Variants in ATG2B observed in about 807,000 individuals in gnomAD.
ATG2B encodes autophagy related 2B.
Under a neutral mutation model 241.3 loss-of-function variants are expected in ATG2B, and 121 were observed. That is an observed-to-expected ratio of 0.50 (90% CI 0.43 to 0.58). The LOEUF is 0.58. Ranked by LOEUF, ATG2B falls within the 20% of genes least tolerant of loss-of-function variation. The probability of loss-of-function intolerance (pLI) is 0.00; values close to 1 mark genes in which losing one functional copy is unlikely to be tolerated. For synonymous variants in ATG2B, 858 were observed against 876.6 expected (o/e 0.98, Z 0.37); for missense variants, 2,306 against 2,491.6 (o/e 0.93, Z 1.59).
intron 34 of ATG2B, among the ~76,000 whole-genome samples, chr14:96,301,338 C>A (rs1005100001): frequency 1.3e-5 from 2 of 152,022 alleles, no homozygotes; most frequent in African/African-American, 4.8e-5. Flanking sequence ...AAGACTGGAA[C>A]CCAGGTCTGA....
chr14:96,312,011 G>T, intron 26 of ATG2B, 78 bp downstream of exon 26: 5 of 1,048,784 alleles, frequency 4.8e-6, no homozygotes, highest in Non-Finnish European at 7.3e-6. Context: ...CATTATCCCA[G>T]AGTTAAAATG....
chr14:96,324,281 A>G (rs1887533813), intron 15 of ATG2B: 1 of 295,490 alleles, frequency 3.4e-6, no homozygotes, highest in South Asian at 5.9e-5. Flanking sequence ...ACTAAGTGCT[A>G]TTAGTGATTA....
At chr14:96,307,785 T>C (rs2139853234) in intron 29 of ATG2B, among the ~76,000 whole-genome samples, 1 of 152,250 alleles carries the variant, frequency 6.6e-6, no homozygotes, top group Non-Finnish European at 1.5e-5. Context: ...GGGCCTGGGA[T>C]ACCCAAACTG....
At chr14:96,315,306 A>T (rs1372713050) in intron 22 of ATG2B, 72 bp from the exon 23 acceptor site, 10 of 1,585,346 alleles carry the variant, frequency 6.3e-6, no homozygotes, top group South Asian at 1.1e-5. Flanking sequence ...TTTCCAAGAA[A>T]ATAAATATGT....
chr14:96,296,070 C>T (rs1022465839), intron 34 of ATG2B, among the ~76,000 whole-genome samples: 4 of 152,200 alleles, frequency 2.6e-5, no homozygotes, highest in Non-Finnish European at 5.9e-5. Flanking sequence ...TCTCCTGCCT[C>T]AGCCTCCCAA....
At chr14:96,308,253 CACACATATAT>C (rs1887033982) in intron 29 of ATG2B, among the ~76,000 whole-genome samples, 7 of 36,404 alleles carry the variant, frequency 1.9e-4, no homozygotes, top group Non-Finnish European at 3.0e-4. Context: ...TATATATATA[CACACATATAT>C]ATATATATAT....
intron 29 of ATG2B, among the ~76,000 whole-genome samples, chr14:96,308,459 G>C (rs1458635496): frequency 8.1e-6 from 1 of 122,828 alleles, no homozygotes; most frequent in African/African-American, 3.0e-5. Flanking sequence ...CCCACATCTA[G>C]CTTTTTTTTT....
At chr14:96,352,826 G>A (rs1888366641) in intron 1 of ATG2B, among the ~76,000 whole-genome samples, 1 of 151,514 alleles carries the variant, frequency 6.6e-6, no homozygotes, top group Admixed American at 6.6e-5. Flanking sequence ...ATATAGTCTA[G>A]CCGAAGTGTA....
intron 31 of ATG2B, among the ~76,000 whole-genome samples, chr14:96,304,859 A>G (rs1375413618): frequency 6.6e-6 from 1 of 152,144 alleles, no homozygotes; most frequent in African/African-American, 2.4e-5. Context: ...GCTAATTATG[A>G]TGCTGGGATC....
Position 96,333,765 on chromosome 14 carries a change from T to C in ATG2B, c.1130A>G (p.Lys377Arg). The change falls in exon 8 of 42, where the codon AAA becomes AGA. Residue 377 changes from lysine to arginine, a missense_variant. This residue lies in a region of ATG2B where 1,927 missense variants were observed against 2,011.2 expected (regional missense o/e 0.96). Coordinates refer to ENST00000359933, the MANE Select transcript of ATG2B (RefSeq NM_018036.7). ...QMELNRYYLR[K>R]DSLSVGVSSE... Reference sequence around the variant, plus strand: ...AGATACACCCACAGAGAGGGAATCTTTTCTCAAATAATACCGGTTTAATTC... The same window carrying C: ...AGATACACCCACAGAGAGGGAATCTCTTCTCAAATAATACCGGTTTAATTC... 6.2e-7 allele frequency: 1 copy of C among 1,614,002 alleles called. No individual in the cohort carries two copies. The highest frequency in any genetic ancestry group is 1.1e-5 in the South Asian group (1 of 91,076).
intron 11 of ATG2B, 88 bp from the exon 12 acceptor site, chr14:96,329,722 T>C: frequency 1.3e-6 from 1 of 783,876 alleles, no homozygotes; most frequent in Non-Finnish European, 2.0e-6. Flanking sequence ...TTATCAATAA[T>C]TAATACTCCT....
At chr14:96,341,251 T>C (rs550160536) in intron 6 of ATG2B, among the ~76,000 whole-genome samples, 16 of 152,324 alleles carry the variant, frequency 1.1e-4, no homozygotes, top group African/African-American at 3.8e-4. Flanking sequence ...GAGAGGTTTG[T>C]CAGTTTCGAA....
Position 96,290,160 on chromosome 14 carries a change from T to C in ATG2B, c.5856+276A>G. 1 of 1,261,698 alleles carries C rather than the reference T, an allele frequency of 7.9e-7. No homozygotes were observed. 78.2% of individuals were successfully genotyped at this position (1,261,698 alleles called of 1,614,324 possible). The stretch of plus-strand genomic sequence containing the variant: ...CTTCTTCAAATTTAGCTACGATCCT[T>C]TCATACAAATATGGTGAAATCAATC... On this transcript the variant is annotated intron_variant, in intron 40 of 41. Coordinates refer to ENST00000359933, the MANE Select transcript of ATG2B (RefSeq NM_018036.7). This position sits in a 1 kb window ranked among gnomAD's most constrained non-coding sequence, Gnocchi z 4.4.
chr14:96,360,011 T>C (rs1345101149), intron 1 of ATG2B, among the ~76,000 whole-genome samples: 1 of 152,230 alleles, frequency 6.6e-6, no homozygotes, highest in East Asian at 1.9e-4. Context: ...TGCCCTCAGT[T>C]GGATGTTCCT....
At chr14:96,355,252 G>A (rs1357561599) in intron 1 of ATG2B, among the ~76,000 whole-genome samples, 1 of 151,968 alleles carries the variant, frequency 6.6e-6, no homozygotes, top group African/African-American at 2.4e-5. Flanking sequence ...TTTCTTTTAG[G>A]GTTTTTATAG....
chr14:96,338,396 C>G (rs1887921934), intron 6 of ATG2B, among the ~76,000 whole-genome samples: 2 of 152,194 alleles, frequency 1.3e-5, no homozygotes, highest in Middle Eastern at 6.8e-3. Flanking sequence ...AACTTTTCCC[C>G]ATTCAGTATG....
intron 6 of ATG2B, among the ~76,000 whole-genome samples, chr14:96,339,893 A>G (rs1360081234): frequency 6.6e-6 from 1 of 151,650 alleles, no homozygotes; most frequent in Non-Finnish European, 1.5e-5. Flanking sequence ...AAAAAAGAAA[A>G]CAAAGGGACA....
chr14:96,291,990 A>C (rs1886498625), intron 37 of ATG2B, 39 bp downstream of exon 37: 1 of 1,353,462 alleles, frequency 7.4e-7, no homozygotes, highest in Non-Finnish European at 1.0e-6. Context: ...AGAGAAACAT[A>C]TGATAATTTT....
intron 30 of ATG2B, 61 bp from the exon 31 acceptor site, chr14:96,305,876 T>TGCA: frequency 7.6e-7 from 1 of 1,310,664 alleles, no homozygotes; most frequent in Non-Finnish European, 1.1e-6. Context: ...CTGATTATGC[T>TGCA]GCACATCTCA....
Sources: allele counts gnomAD v4.1 joint callset (sites outside exome capture counted in the v4.1 genomes callset), GRCh38; gene constraint gnomAD v4.1.1; regional missense constraint gnomAD v4.1.1; non-coding constraint Gnocchi (gnomAD v3.1); transcripts MANE v1.5; gene names NCBI Gene and HGNC (gene_info 2026-07-23, HGNC 2026-07-21).